The following CDH13 variants were observed in gnomAD, a reference collection of about 807,000 sequenced individuals.
CDH13 encodes the protein cadherin-13.
CDH13 carries 24 observed loss-of-function variants against 63.8 expected under a neutral mutation model. The ratio of observed to expected loss-of-function variants is 0.38; its 90% CI spans 0.27 to 0.53. The LOEUF (loss-of-function observed/expected upper bound fraction) is 0.53, where lower values mean the gene tolerates loss of function less well. Ranked by LOEUF, CDH13 falls within the 20% of genes least tolerant of loss-of-function variation. The pLI is 0.85. For missense variants in CDH13, 1,049 were observed against 903.1 expected, an observed-to-expected ratio of 1.16 and a Z score of -2.07; for synonymous variants, 503 against 355.3, an observed-to-expected ratio of 1.42 and a Z score of -4.67.
At chr16:83,691,346 G>A (rs1473154836) in intron 10 of CDH13, among the ~76,000 whole-genome samples, 1 of 152,096 alleles carries the variant, frequency 6.6e-6, no homozygotes, top group African/African-American at 2.4e-5. Flanking sequence ...ATAGAAGCCT[G>A]GGTGTCATCA....
chr16:82,858,270 C>T (rs1303199946), intron 1 of CDH13, 92 bp from the exon 2 acceptor site: 6 of 739,622 alleles, frequency 8.1e-6, no homozygotes, highest in Non-Finnish European at 1.4e-5. Context: ...ATCAAAACCT[C>T]AGCTTGTTTC....
At chr16:83,055,185 T>C (rs574351427) in intron 3 of CDH13, among the ~76,000 whole-genome samples, 142 of 151,828 alleles carry the variant, frequency 9.4e-4, no homozygotes, top group African/African-American at 3.2e-3. Context: ...CCAGATAAAG[T>C]AGAGGAAAGA....
At chr16:83,306,004 G>A (rs1297052611) in intron 5 of CDH13, among the ~76,000 whole-genome samples, 2 of 152,116 alleles carry the variant, frequency 1.3e-5, no homozygotes, top group Admixed American at 1.3e-4. Context: ...TTCATTTGAG[G>A]CTGCCCTGTG....
intron 1 of CDH13, among the ~76,000 whole-genome samples, chr16:82,700,143 T>C (rs1340949201): frequency 1.3e-5 from 2 of 152,218 alleles, no homozygotes; most frequent in Admixed American, 6.5e-5. Flanking sequence ...GCTGAACATA[T>C]TGGGGATCAT....
At chr16:83,061,138 A>T (rs2031514241) in intron 3 of CDH13, among the ~76,000 whole-genome samples, 1 of 152,208 alleles carries the variant, frequency 6.6e-6, no homozygotes. Flanking sequence ...TCTTTCCCAA[A>T]GTTGCACAGC....
chr16:83,476,299 G>A (rs561375575), intron 6 of CDH13, among the ~76,000 whole-genome samples: 1 of 152,100 alleles, frequency 6.6e-6, no homozygotes, highest in Non-Finnish European at 1.5e-5. Context: ...CCCAGGCATT[G>A]CCAAATGTTC....
intron 7 of CDH13, among the ~76,000 whole-genome samples, chr16:83,544,732 C>T (rs985884831): frequency 6.6e-6 from 1 of 152,150 alleles, no homozygotes; most frequent in Non-Finnish European, 1.5e-5. Flanking sequence ...AAGTCAGGGA[C>T]TCTCTCTAGC....
intron 5 of CDH13, among the ~76,000 whole-genome samples, chr16:83,247,928 G>A (rs1296802937): frequency 6.6e-6 from 1 of 152,160 alleles, no homozygotes; most frequent in Non-Finnish European, 1.5e-5. Context: ...CCATGTGTTA[G>A]AGCCTTTTGT....
At chr16:82,730,427 GA>G (rs940619612) in intron 1 of CDH13, among the ~76,000 whole-genome samples, 1 of 152,146 alleles carries the variant, frequency 6.6e-6, no homozygotes, top group African/African-American at 2.4e-5. Context: ...AGAGGGAGAG[GA>G]AAGGCTGGTT....
At position 83,552,175 on chromosome 16, in the gene CDH13, C is replaced by T. The variant is rs567519842; in HGVS notation, c.961-50279C>T. ...ACAGTGAATTCTGGAGTTCCAGGTACATGAGCATCAGGGTGTGATCTAGAA... is the reference window on the plus strand; with the variant it reads ...ACAGTGAATTCTGGAGTTCCAGGTATATGAGCATCAGGGTGTGATCTAGAA... On this transcript the variant is annotated intron_variant, in intron 7 of 13. Coordinates refer to ENST00000567109, the MANE Select transcript of CDH13 (RefSeq NM_001257.5). Among the ~76,000 whole-genome samples, 21 of 152,314 alleles carry T rather than the reference C, an allele frequency of 1.4e-4. No individual in the cohort carries two copies. The South Asian group carries it at 4.1e-3, about 30-fold the overall frequency.
At chr16:83,439,224 C>T (rs1433091621) in intron 6 of CDH13, among the ~76,000 whole-genome samples, 1 of 151,998 alleles carries the variant, frequency 6.6e-6, no homozygotes, top group Admixed American at 6.6e-5. Context: ...AGCAATTAAC[C>T]CAAGCAATTT....
chr16:82,824,701 G>C (rs539650940), intron 1 of CDH13: 3 of 152,196 alleles, frequency 2.0e-5, no homozygotes, highest in African/African-American at 7.2e-5. Context: ...GATTCAACAC[G>C]ATGTTGCAAA....
At chr16:82,703,686 T>C (rs2031243564) in intron 1 of CDH13, among the ~76,000 whole-genome samples, 1 of 152,040 alleles carries the variant, frequency 6.6e-6, no homozygotes, top group Non-Finnish European at 1.5e-5. Context: ...TAGAAACAGG[T>C]TTCTATACTT....
At chr16:82,933,694 A>G (rs777156649) in intron 2 of CDH13, among the ~76,000 whole-genome samples, 16 of 152,236 alleles carry the variant, frequency 1.1e-4, no homozygotes, top group Non-Finnish European at 2.1e-4. Flanking sequence ...GGTACTTCCT[A>G]GATACAATGG....
At chr16:82,713,975 C>G (rs1409992924) in intron 1 of CDH13, among the ~76,000 whole-genome samples, 1 of 152,080 alleles carries the variant, frequency 6.6e-6, no homozygotes. Context: ...TCAAGTTTCA[C>G]TCTTGTCGCC....
At chr16:83,054,261 T>C (rs902432472) in intron 3 of CDH13, among the ~76,000 whole-genome samples, 1 of 152,206 alleles carries the variant, frequency 6.6e-6, no homozygotes, top group African/African-American at 2.4e-5. Flanking sequence ...CCTATACATA[T>C]GCAAATATGA....
rs554293071 is a variant in CDH13, at chr16:82,970,423, C to T, written c.158-61587C>T. ...TTTTTTTTTTTTTGAGACGGAGTCT[C>T]GCTCTGTCGCCCAGGCCGGACTGCG... On this transcript the variant is annotated intron_variant, in intron 2 of 13. Coordinates refer to ENST00000567109, the MANE Select transcript of CDH13 (RefSeq NM_001257.5). Among the ~76,000 whole-genome samples the T allele has an allele frequency of 3.6e-4, 41 of 112,638 alleles. 2 individuals carry two copies. Among genetic ancestry groups the T allele is most frequent in the East Asian group, 1.1e-3 (4 of 3,608 alleles). The allele number at this position is 112,638 out of a possible 152,430, so 73.9% of individuals were successfully genotyped here.
chr16:82,657,020 T>A (rs1911379043), intron 1 of CDH13, among the ~76,000 whole-genome samples: 1 of 152,052 alleles, frequency 6.6e-6, no homozygotes, highest in Non-Finnish European at 1.5e-5. Context: ...CTTCTAAGTT[T>A]TGGTGATTAC....
At chr16:82,765,616 T>G (rs958716545) in intron 1 of CDH13, among the ~76,000 whole-genome samples, 2 of 152,172 alleles carry the variant, frequency 1.3e-5, no homozygotes, top group Admixed American at 1.3e-4. Context: ...AAGAGAATAA[T>G]TGCCTTCATA....
Sources: gnomAD v4.1 joint callset for allele counts (sites outside exome capture counted in the v4.1 genomes callset) on GRCh38, gnomAD v4.1.1 for gene constraint, MANE v1.5 for transcripts, NCBI Gene and HGNC (gene_info 2026-07-23, HGNC 2026-07-21) for gene names.